LRRTM4: variants seen among roughly 807,000 people sequenced by gnomAD.
The protein encoded by LRRTM4 is leucine-rich repeat transmembrane neuronal protein 4.
LRRTM4 carries 25 observed loss-of-function variants against 47.6 expected under a neutral mutation model. That is an observed-to-expected ratio of 0.53 (90% CI 0.38 to 0.73). LRRTM4 has a LOEUF of 0.73. LRRTM4 is among the 30% of genes least tolerant of loss of function. The pLI, the probability that LRRTM4 is intolerant of heterozygous loss-of-function variation, is 0.00. For missense variants in LRRTM4, 638 were observed against 713.4 expected, an observed-to-expected ratio of 0.89 and a Z score of 1.20; for synonymous variants, 311 against 269.5, an observed-to-expected ratio of 1.15 and a Z score of -1.51.
At chr2:77,362,535 C>T (rs564888856) in intron 3 of LRRTM4, among the ~76,000 whole-genome samples, 3 of 152,228 alleles carry the variant, frequency 2.0e-5, no homozygotes, top group African/African-American at 7.2e-5. Context: ...TGCTGTGGTC[C>T]GTGTTACCCC....
chr2:77,246,104 A>T (rs2104001792), intron 3 of LRRTM4, among the ~76,000 whole-genome samples: 1 of 152,248 alleles, frequency 6.6e-6, no homozygotes, highest in Non-Finnish European at 1.5e-5. Context: ...AGCTTCCTTT[A>T]CTTTGAAATG....
rs191515803 is a variant in LRRTM4 at position 77,097,560 on chromosome 2, A to C, written c.1552-348644T>G. On this transcript the variant is annotated intron_variant, in intron 3 of 3. Transcript: ENST00000409884. ...GAAAGAAATAACAAAAATGACTAAA[A>C]TATTAGGACAGTTAAAAATATGTTT... 1.2e-3 allele frequency among the ~76,000 whole-genome samples: 184 copies of C among 152,156 alleles called. 1 individual carries two copies. Among genetic ancestry groups the C allele is most frequent in the African/African-American group, 4.1e-3 (172 of 41,566 alleles).
At chr2:77,270,369 G>T (rs1297190051) in intron 3 of LRRTM4, among the ~76,000 whole-genome samples, 1 of 152,030 alleles carries the variant, frequency 6.6e-6, no homozygotes, top group Non-Finnish European at 1.5e-5. Context: ...ATTTATATTG[G>T]GATCTCTCTA....
chr2:77,105,325 T>G (rs1002673508), intron 3 of LRRTM4, among the ~76,000 whole-genome samples: 1 of 152,098 alleles, frequency 6.6e-6, no homozygotes, highest in African/African-American at 2.4e-5. Flanking sequence ...CTATCATTGT[T>G]GGACAAATGA....
chr2:77,002,737 A>G (rs1677478941), intron 3 of LRRTM4, among the ~76,000 whole-genome samples: 1 of 151,838 alleles, frequency 6.6e-6, no homozygotes, highest in Non-Finnish European at 1.5e-5. Context: ...ACCTCCTCCC[A>G]AGATTGTCTT....
chr2:77,169,627 C>G (rs1285327540), intron 3 of LRRTM4, among the ~76,000 whole-genome samples: 1 of 152,126 alleles, frequency 6.6e-6, no homozygotes, highest in Non-Finnish European at 1.5e-5. Context: ...ATTTGACCCC[C>G]ATTCTCTTTC....
At chr2:76,768,086 G>A (rs1487106427) in intron 3 of LRRTM4, among the ~76,000 whole-genome samples, 1 of 152,076 alleles carries the variant, frequency 6.6e-6, no homozygotes, top group Non-Finnish European at 1.5e-5. Flanking sequence ...GAAAAAGCAG[G>A]TTTTAATTTA....
intron 3 of LRRTM4, among the ~76,000 whole-genome samples, chr2:77,273,897 T>C (rs1365962086): frequency 6.6e-6 from 1 of 152,178 alleles, no homozygotes; most frequent in Non-Finnish European, 1.5e-5. Context: ...TTCTTCTTAC[T>C]AGTAAATGCA....
intron 3 of LRRTM4, among the ~76,000 whole-genome samples, chr2:77,020,970 T>C (rs764400231): frequency 4.6e-4 from 70 of 152,264 alleles, no homozygotes; most frequent in Non-Finnish European, 5.6e-4. Flanking sequence ...TCTATTACTG[T>C]TATCCTGTAT....
At position 77,360,484 on chromosome 2, in the gene LRRTM4, TACG is replaced by T. The variant is rs1219182987; in HGVS notation, c.1551+157831_1551+157833del. Among the ~76,000 whole-genome samples the T allele has an allele frequency of 2.8e-4, 16 of 58,118 alleles. 1 individual carries two copies. The highest frequency in any genetic ancestry group is 6.4e-4 in the Admixed American group (3 of 4,710). The allele number at this position is 58,118 out of a possible 152,430, so 38.1% of individuals were successfully genotyped here. A position where few individuals can be genotyped will look rare whatever the true frequency, so the allele number is the denominator to read the frequency against. ...AAAAATACAATACGATATGATACGATACGATACGATACGATACGATACGATACG... is the reference window on the plus strand; with the variant it reads ...AAAAATACAATACGATATGATACGATATACGATACGATACGATACGATACG... On this transcript the variant is annotated intron_variant, in intron 3 of 3. Transcript: ENST00000409884.
At position 76,992,465 on chromosome 2, in the gene LRRTM4, G is replaced by T. The variant is rs528091299; in HGVS notation, c.1552-243549C>A. Among the ~76,000 whole-genome samples, 126 of 151,666 alleles carry T rather than the reference G, an allele frequency of 8.3e-4. 1 individual carries two copies. Among genetic ancestry groups the T allele is most frequent in the African/African-American group, 3.0e-3 (123 of 41,452 alleles). On this transcript the variant is annotated intron_variant, in intron 3 of 3. Coordinates refer to ENST00000409884, the MANE Select transcript of LRRTM4 (RefSeq NM_001134745.3). The stretch of plus-strand genomic sequence containing the variant: ...GATACAAAATTAATGTAAAAAATCA[G>T]TGTTGTATCTATATACAAATAATGT...
chr2:76,924,441 A>T (rs1674526485), intron 3 of LRRTM4, among the ~76,000 whole-genome samples: 1 of 152,080 alleles, frequency 6.6e-6, no homozygotes, highest in South Asian at 2.1e-4. Flanking sequence ...AGATGTAGCT[A>T]AAGCCCCATC....
At chr2:77,457,024 A>G (rs1408634838) in intron 3 of LRRTM4, among the ~76,000 whole-genome samples, 4 of 21,808 alleles carry the variant, frequency 1.8e-4, no homozygotes, top group South Asian at 1.6e-3. Flanking sequence ...ATATATATAT[A>G]TATATATATA....
chr2:77,123,777 C>A (rs1671580299), intron 3 of LRRTM4, among the ~76,000 whole-genome samples: 1 of 152,028 alleles, frequency 6.6e-6, no homozygotes, highest in South Asian at 2.1e-4. Flanking sequence ...GACATATACA[C>A]TAGTATTCCA....
chr2:76,824,473 T>C (rs1671137825), intron 3 of LRRTM4, among the ~76,000 whole-genome samples: 2 of 151,608 alleles, frequency 1.3e-5, no homozygotes, highest in African/African-American at 2.4e-5. Context: ...GTAGCACATA[T>C]ACACTCAATT....
intron 3 of LRRTM4, among the ~76,000 whole-genome samples, chr2:77,101,847 A>T (rs756573054): frequency 1.3e-5 from 2 of 152,148 alleles, no homozygotes; most frequent in Non-Finnish European, 2.9e-5. Context: ...TTGTTTAATC[A>T]TGTTGCTGCT....
intron 3 of LRRTM4, among the ~76,000 whole-genome samples, chr2:77,297,452 C>T (rs1219757966): frequency 6.6e-6 from 1 of 152,124 alleles, no homozygotes; most frequent in Non-Finnish European, 1.5e-5. Context: ...GAAGCATTAT[C>T]TATAAAGAGA....
intron 3 of LRRTM4, among the ~76,000 whole-genome samples, chr2:77,437,361 T>G (rs180868200): frequency 6.6e-6 from 1 of 152,190 alleles, no homozygotes. Flanking sequence ...TAATGAACTC[T>G]ATTTGTTGAC....
At chr2:77,453,099 T>G (rs896541778) in intron 3 of LRRTM4, among the ~76,000 whole-genome samples, 6 of 151,974 alleles carry the variant, frequency 3.9e-5, no homozygotes, top group African/African-American at 1.4e-4. Context: ...CATGTTTTTG[T>G]GATTTTTGAT....
Sources: allele counts gnomAD v4.1 joint callset (sites outside exome capture counted in the v4.1 genomes callset), GRCh38; gene constraint gnomAD v4.1.1; transcripts MANE v1.5; gene names NCBI Gene and HGNC (gene_info 2026-07-23, HGNC 2026-07-21).